RSRC1: variants seen among roughly 807,000 people sequenced by gnomAD.
The protein encoded by RSRC1 is serine/Arginine-related protein 53.
RSRC1 carries 39 observed loss-of-function variants against 49.1 expected under a neutral mutation model. The ratio of observed to expected loss-of-function variants is 0.79; its 90% CI spans 0.61 to 1.04. The LOEUF is 1.04. RSRC1 is among the 50% of genes least tolerant of loss of function. The pLI, the probability that RSRC1 is intolerant of heterozygous loss-of-function variation, is 0.00. For synonymous variants in RSRC1, 143 were observed against 130.8 expected (o/e 1.09, Z -0.63); for missense variants, 388 against 402.4 (o/e 0.96, Z 0.31).
At chr3:158,410,125 G>A (rs375083287) in intron 6 of RSRC1, among the ~76,000 whole-genome samples, 33 of 152,064 alleles carry the variant, frequency 2.2e-4, no homozygotes, top group Middle Eastern at 3.4e-3. Context: ...TAAAAAAAGC[G>A]GGCAATTTTC....
intron 4 of RSRC1, among the ~76,000 whole-genome samples, chr3:158,222,955 T>G (rs73166326): frequency 0.12 from 18,265 of 151,614 alleles, 1,380 homozygotes; most frequent in Middle Eastern, 0.2. Context: ...GCTCCTCATT[T>G]CAGTAGTAAT....
intron 4 of RSRC1, among the ~76,000 whole-genome samples, chr3:158,240,989 T>A (rs1368170886): frequency 6.6e-6 from 1 of 152,000 alleles, no homozygotes; most frequent in East Asian, 1.9e-4. Flanking sequence ...TTCTTATTAG[T>A]TATTGTCATT....
At chr3:158,412,010 T>C (rs1286168505) in intron 6 of RSRC1, among the ~76,000 whole-genome samples, 2 of 152,160 alleles carry the variant, frequency 1.3e-5, no homozygotes, top group African/African-American at 4.8e-5. Context: ...TTGTAAGCCA[T>C]TGATATCTTT....
At chr3:158,457,730 GTTTTTTTTTGTTT>G (rs1390479983) in intron 6 of RSRC1, among the ~76,000 whole-genome samples, 2 of 119,626 alleles carry the variant, frequency 1.7e-5, no homozygotes, top group Admixed American at 7.8e-5. Flanking sequence ...TGTGTTTTGT[GTTTTTTTTTGTTT>G]TTTTTTTTTG....
chr3:158,122,767 C>T (rs567578189), intron 2 of RSRC1, among the ~76,000 whole-genome samples: 1 of 150,190 alleles, frequency 6.7e-6, no homozygotes, highest in Non-Finnish European at 1.5e-5. Context: ...GTGTGATGTT[C>T]CCCTTCCTGT....
chr3:158,425,999 A>T (rs187896884), intron 6 of RSRC1, among the ~76,000 whole-genome samples: 104 of 151,842 alleles, frequency 6.8e-4, no homozygotes, highest in Middle Eastern at 3.4e-3. Context: ...CCACACATGT[A>T]TGAGGACTTG....
At chr3:158,401,036 A>G (rs917450517) in intron 6 of RSRC1, among the ~76,000 whole-genome samples, 6 of 152,038 alleles carry the variant, frequency 3.9e-5, no homozygotes, top group African/African-American at 1.4e-4. Flanking sequence ...TTTTGTTACA[A>G]CTACCCATAG....
At chr3:158,264,247 G>A (rs1725047922) in intron 4 of RSRC1, among the ~76,000 whole-genome samples, 1 of 152,072 alleles carries the variant, frequency 6.6e-6, no homozygotes, top group Non-Finnish European at 1.5e-5. Context: ...TTTAAATAAT[G>A]TCTAATTTTC....
chr3:158,230,036 G>T (rs1354429300), intron 4 of RSRC1, among the ~76,000 whole-genome samples: 1 of 151,932 alleles, frequency 6.6e-6, no homozygotes, highest in African/African-American at 2.4e-5. Flanking sequence ...TGCGATCTAG[G>T]ATCATATACT....
At chr3:158,200,178 C>T (rs1313917579) in intron 3 of RSRC1, among the ~76,000 whole-genome samples, 2 of 152,034 alleles carry the variant, frequency 1.3e-5, no homozygotes, top group African/African-American at 4.8e-5. Context: ...GCTGGGACTA[C>T]AGGCATCCGC....
intron 3 of RSRC1, among the ~76,000 whole-genome samples, chr3:158,175,133 G>T (rs1200601619): frequency 6.6e-6 from 1 of 151,940 alleles, no homozygotes; most frequent in East Asian, 1.9e-4. Context: ...TGAAATGCTT[G>T]TTTAGTCTCA....
chr3:158,228,041 C>G (rs893495846), intron 4 of RSRC1, among the ~76,000 whole-genome samples: 2 of 151,846 alleles, frequency 1.3e-5, no homozygotes, highest in Non-Finnish European at 2.9e-5. Context: ...TCATACTTCC[C>G]CAACATATGT....
In RSRC1 at chr3:158,399,312, G is replaced by A. The variant is rs1456585359; in HGVS notation, c.583+44404G>A. ...TGGGACTACAGGCGCCCGCCACTAC[G>A]CCCGGCTAATTTTTTTTGTATTTTT... On this transcript the variant is annotated intron_variant, in intron 6 of 9. Coordinates refer to ENST00000611884, the MANE Select transcript of RSRC1 (RefSeq NM_001271838.2). Among the ~76,000 whole-genome samples the A allele has an allele frequency of 2.5e-5, 2 of 80,114 alleles. 1 individual carries two copies. Among genetic ancestry groups the A allele is most frequent in the Non-Finnish European group, 5.1e-5 (2 of 39,298 alleles). 52.6% of individuals were successfully genotyped at this position (80,114 alleles called of 152,430 possible).
At chr3:158,261,318 T>A (rs1254244395) in intron 4 of RSRC1, among the ~76,000 whole-genome samples, 1 of 152,252 alleles carries the variant, frequency 6.6e-6, no homozygotes, top group African/African-American at 2.4e-5. Context: ...AGGTATATAG[T>A]GGTGCATCAT....
At chr3:158,421,725 A>G (rs1735070683) in intron 6 of RSRC1, among the ~76,000 whole-genome samples, 1 of 151,834 alleles carries the variant, frequency 6.6e-6, no homozygotes, top group South Asian at 2.1e-4. Flanking sequence ...AGAAATAGAA[A>G]CCATCATGTA....
intron 6 of RSRC1, among the ~76,000 whole-genome samples, chr3:158,418,586 G>GA (rs1734873739): frequency 1.3e-5 from 2 of 151,880 alleles, no homozygotes; most frequent in African/African-American, 4.8e-5. Flanking sequence ...GGAGCCTAAT[G>GA]AGGTTCGCTC....
At chr3:158,145,234 A>C (rs1425626510) in intron 3 of RSRC1, among the ~76,000 whole-genome samples, 1 of 152,152 alleles carries the variant, frequency 6.6e-6, no homozygotes, top group Non-Finnish European at 1.5e-5. Flanking sequence ...GGTATTGCCT[A>C]GGTTTTCTTC....
chr3:158,246,780 A>G (rs1312113825), intron 4 of RSRC1, among the ~76,000 whole-genome samples: 1 of 152,098 alleles, frequency 6.6e-6, no homozygotes, highest in African/African-American at 2.4e-5. Context: ...CCCTTTGTAG[A>G]TGAACTGGCC....
At chr3:158,311,664 A>G (rs1418076780) in intron 5 of RSRC1, among the ~76,000 whole-genome samples, 13 of 152,190 alleles carry the variant, frequency 8.5e-5, no homozygotes, top group Non-Finnish European at 1.6e-4. Flanking sequence ...ACTAGAGTTA[A>G]TGATACTGTG....
Sources: gnomAD v4.1 joint callset for allele counts (sites outside exome capture counted in the v4.1 genomes callset) on GRCh38, gnomAD v4.1.1 for gene constraint, MANE v1.5 for transcripts, NCBI Gene and HGNC (gene_info 2026-07-23, HGNC 2026-07-21) for gene names.